Variants in DEPDC1B observed in about 807,000 individuals in gnomAD.
DEPDC1B encodes DEP domain containing 1B, also known as DEP domain-containing protein 1B.
Under a neutral mutation model 66.5 loss-of-function variants are expected in DEPDC1B, and 51 were observed. The observed-to-expected ratio is 0.77, with a 90% CI of 0.61 to 0.97. The LOEUF is 0.97. DEPDC1B is among the 50% of genes least tolerant of loss of function. The probability of loss-of-function intolerance (pLI) is 0.00; values close to 1 mark genes in which losing one functional copy is unlikely to be tolerated. For synonymous variants in DEPDC1B, 226 were observed against 223.6 expected, an observed-to-expected ratio of 1.01 and a Z score of -0.10; for missense variants, 552 against 637.1, an observed-to-expected ratio of 0.87 and a Z score of 1.44.
Position 60,645,632 on chromosome 5 carries a change from G to A in DEPDC1B, c.451-13C>T. The stretch of plus-strand genomic sequence containing the variant: ...ACATCTCAGAATTCTAATGGAGGGG[G>A]GATGTAAGAAGGGAGGGAAGGAGAA... On this transcript the variant is annotated splice_polypyrimidine_tract_variant and intron_variant, in intron 3 of 10. Coordinates refer to ENST00000265036, the MANE Select transcript of DEPDC1B (RefSeq NM_018369.3). 6.3e-7 allele frequency: 1 copy of A among 1,597,342 alleles called. No homozygotes were observed. Among genetic ancestry groups the A allele is most frequent in the Non-Finnish European group, 8.5e-7 (1 of 1,172,288 alleles).
rs1752585454 is a variant in DEPDC1B at position 60,617,417 on chromosome 5, G to C, written c.899-11561C>G. The stretch of plus-strand genomic sequence containing the variant: ...CATCTCACATGCAGAGACACACATA[G>C]GCTCAAATTAAAGGGATGGAGGAAG... On this transcript the variant is annotated intron_variant, in intron 7 of 10. Transcript: ENST00000265036. Among the ~76,000 whole-genome samples the C allele has an allele frequency of 1.3e-5, 2 of 152,078 alleles. 1 individual carries two copies. Among genetic ancestry groups the C allele is most frequent in the African/African-American group, 4.8e-5 (2 of 41,376 alleles).
At chr5:60,639,432 T>TA (rs1753135922) in intron 6 of DEPDC1B, among the ~76,000 whole-genome samples, 1 of 152,162 alleles carries the variant, frequency 6.6e-6, no homozygotes, top group African/African-American at 2.4e-5. Context: ...TATTTAAACT[T>TA]AAAAAAATCC....
intron 7 of DEPDC1B, among the ~76,000 whole-genome samples, chr5:60,637,358 T>A (rs1584051822): frequency 6.6e-6 from 1 of 152,170 alleles, no homozygotes; most frequent in Non-Finnish European, 1.5e-5. Context: ...CCCCTAATCC[T>A]TTTGGTCCTG....
intron 2 of DEPDC1B, among the ~76,000 whole-genome samples, chr5:60,672,307 A>G (rs750492235): frequency 1.3e-5 from 2 of 152,210 alleles, no homozygotes; most frequent in African/African-American, 4.8e-5. Flanking sequence ...TGGTATAAAG[A>G]ACTACCTGAG....
At chr5:60,667,724 CAT>C (rs1303853640) in intron 2 of DEPDC1B, among the ~76,000 whole-genome samples, 4 of 129,882 alleles carry the variant, frequency 3.1e-5, no homozygotes, top group East Asian at 2.2e-4. Context: ...GGATATTTTA[CAT>C]ATATATAAAA....
chr5:60,608,430 T>A (rs1287854515), intron 7 of DEPDC1B, among the ~76,000 whole-genome samples: 1 of 148,774 alleles, frequency 6.7e-6, no homozygotes, highest in African/African-American at 2.4e-5. Flanking sequence ...TATTTATCAA[T>A]AGACTATATA....
At chr5:60,697,611 T>A (rs549713333) in intron 1 of DEPDC1B, among the ~76,000 whole-genome samples, 221 of 152,190 alleles carry the variant, frequency 1.5e-3, no homozygotes, top group Non-Finnish European at 1.5e-3. Flanking sequence ...ATCTTCAATG[T>A]TGGCTGCAAT....
At chr5:60,622,054 ATG>A (rs759260355) in intron 7 of DEPDC1B, among the ~76,000 whole-genome samples, 142 of 152,224 alleles carry the variant, frequency 9.3e-4, no homozygotes, top group Non-Finnish European at 1.7e-3. Context: ...CTCAAATAAC[ATG>A]TGTTACTTTT....
chr5:60,649,150 C>T (rs1007842621), intron 2 of DEPDC1B, among the ~76,000 whole-genome samples: 2 of 152,162 alleles, frequency 1.3e-5, no homozygotes, highest in African/African-American at 4.8e-5. Flanking sequence ...CAGGCTTTCT[C>T]ACAAACTCTC....
chr5:60,693,874 A>T (rs941167622), intron 1 of DEPDC1B, among the ~76,000 whole-genome samples: 2 of 152,136 alleles, frequency 1.3e-5, no homozygotes, highest in Non-Finnish European at 2.9e-5. Flanking sequence ...GGGAAGGGGT[A>T]ATAAAAAAGA....
chr5:60,616,495 G>A (rs1662972740), intron 7 of DEPDC1B, among the ~76,000 whole-genome samples: 1 of 152,186 alleles, frequency 6.6e-6, no homozygotes, highest in African/African-American at 2.4e-5. Flanking sequence ...CATGATGAAT[G>A]CACAAGCCTC....
chr5:60,620,428 C>T lies in DEPDC1B; in HGVS notation c.899-14572G>A, dbSNP rs1178892706. Among the ~76,000 whole-genome samples the T allele has an allele frequency of 2.6e-5, 4 of 152,146 alleles. No homozygotes were observed. In the East Asian group the frequency reaches 5.8e-4, roughly 22 times the overall value. ...TAATATCCAGAATCTACAATGAACT[C>T]GAACAAATTTACAAGAAAAAAACAA... On this transcript the variant is annotated intron_variant, in intron 7 of 10. Transcript: ENST00000265036.
chr5:60,632,198 C>T (rs938182765), intron 7 of DEPDC1B, among the ~76,000 whole-genome samples: 41 of 152,204 alleles, frequency 2.7e-4, no homozygotes, highest in African/African-American at 9.9e-4. Context: ...GGCCATCTGT[C>T]GGGGCAGCCC....
chr5:60,629,177 G>A (rs557975745), intron 7 of DEPDC1B, among the ~76,000 whole-genome samples: 4 of 152,298 alleles, frequency 2.6e-5, no homozygotes, highest in South Asian at 2.1e-4. Context: ...ACATGATTCC[G>A]TGAATTTTTT....
intron 7 of DEPDC1B, among the ~76,000 whole-genome samples, chr5:60,626,038 T>C (rs1752803161): frequency 1.3e-5 from 2 of 152,184 alleles, no homozygotes; most frequent in African/African-American, 2.4e-5. Context: ...TATATGATTC[T>C]AGTGATTTTT....
intron 5 of DEPDC1B, among the ~76,000 whole-genome samples, chr5:60,643,561 T>A (rs1414734976): frequency 6.6e-6 from 1 of 152,242 alleles, no homozygotes; most frequent in Admixed American, 6.5e-5. Context: ...TTGAATTGTG[T>A]TAGATCTAAT....
intron 7 of DEPDC1B, among the ~76,000 whole-genome samples, chr5:60,606,609 C>CAA (rs60544270): frequency 0.017 from 779 of 46,570 alleles, 27 homozygotes; most frequent in East Asian, 0.032. Flanking sequence ...CCCATTTCTA[C>CAA]AAAAAAAAAA....
intron 7 of DEPDC1B, among the ~76,000 whole-genome samples, chr5:60,609,137 A>C (rs1561356066): frequency 6.6e-6 from 1 of 152,128 alleles, no homozygotes; most frequent in Non-Finnish European, 1.5e-5. Context: ...GGGAGAAAGA[A>C]AGAAAAAGCA....
intron 5 of DEPDC1B, among the ~76,000 whole-genome samples, chr5:60,644,502 G>A (rs1325505760): frequency 6.6e-6 from 1 of 152,130 alleles, no homozygotes; most frequent in African/African-American, 2.4e-5. Context: ...ACCACTTAAT[G>A]CCCAAGGTGG....
Sources: allele counts gnomAD v4.1 joint callset (sites outside exome capture counted in the v4.1 genomes callset), GRCh38; gene constraint gnomAD v4.1.1; transcripts MANE v1.5; gene names NCBI Gene and HGNC (gene_info 2026-07-23, HGNC 2026-07-21).